SLC8A1: variants seen among roughly 807,000 people sequenced by gnomAD.
SLC8A1 encodes the protein solute carrier family 8 member A1.
SLC8A1 carries 18 observed loss-of-function variants against 68.3 expected under a neutral mutation model. That is an observed-to-expected ratio of 0.26 (90% CI 0.18 to 0.39). The LOEUF (loss-of-function observed/expected upper bound fraction) is 0.39. Ranked by LOEUF, SLC8A1 falls within the 10% of genes least tolerant of loss-of-function variation. SLC8A1 has a pLI of 1.00. For missense variants in SLC8A1, 985 were observed against 1,156.7 expected, an observed-to-expected ratio of 0.85 and a Z score of 2.15; for synonymous variants, 475 against 415.5, an observed-to-expected ratio of 1.14 and a Z score of -1.74.
exon 8 of SLC8A1, chr2:40,115,204 T>TTA: frequency 1.6e-6 from 2 of 1,221,896 alleles, no homozygotes; most frequent in Non-Finnish European, 2.1e-6. Flanking sequence ...TACATAATTT[T>TTA]TATGTATATA....
chr2:40,427,251 T>G (rs747214188), intron 2 of SLC8A1, among the ~76,000 whole-genome samples: 1 of 152,054 alleles, frequency 6.6e-6, no homozygotes, highest in Non-Finnish European at 1.5e-5. Context: ...CTGTTCTCTC[T>G]GCCCATCCCC....
chr2:40,277,794 GTATA>G (rs56145701), intron 2 of SLC8A1, among the ~76,000 whole-genome samples: 20,824 of 107,358 alleles, frequency 0.19, 1,741 homozygotes, highest in East Asian at 0.24. Flanking sequence ...ATATATGTGT[GTATA>G]TATATATATA....
intron 2 of SLC8A1, among the ~76,000 whole-genome samples, chr2:40,371,822 A>G (rs901571970): frequency 2.0e-5 from 3 of 152,068 alleles, no homozygotes; most frequent in African/African-American, 7.2e-5. Flanking sequence ...CTGTGACATC[A>G]CTGATTCTTG....
At chr2:40,307,948 A>G (rs1296298648) in intron 2 of SLC8A1, among the ~76,000 whole-genome samples, 1 of 152,212 alleles carries the variant, frequency 6.6e-6, no homozygotes, top group Non-Finnish European at 1.5e-5. Context: ...CATGAAGAGC[A>G]GGAGAAGAAG....
chr2:40,479,980 C>T (rs1704529884), intron 1 of SLC8A1, among the ~76,000 whole-genome samples: 1 of 152,012 alleles, frequency 6.6e-6, no homozygotes, highest in African/African-American at 2.4e-5. Flanking sequence ...TAACTGAGGA[C>T]CTATGATAAG....
At chr2:40,321,880 A>G (rs1220564069) in intron 2 of SLC8A1, among the ~76,000 whole-genome samples, 1 of 152,140 alleles carries the variant, frequency 6.6e-6, no homozygotes, top group African/African-American at 2.4e-5. Flanking sequence ...ACTAGTATGT[A>G]AAGTATTTTC....
At chr2:40,456,042 C>T (rs566213094), upstream of SLC8A1, among the ~76,000 whole-genome samples, 4 of 152,258 alleles carry the variant, frequency 2.6e-5, no homozygotes, top group Admixed American at 6.5e-5. Flanking sequence ...TTGGGCTGGG[C>T]GCGGTGGCTC....
intron 4 of SLC8A1, among the ~76,000 whole-genome samples, chr2:40,173,770 A>T (rs2047966178): frequency 6.6e-6 from 1 of 152,222 alleles, no homozygotes; most frequent in Admixed American, 6.5e-5. Flanking sequence ...GGCACAATAT[A>T]TTGGAAGATG....
chr2:40,119,182 T>G (rs995594807), intron 7 of SLC8A1, among the ~76,000 whole-genome samples: 1 of 152,172 alleles, frequency 6.6e-6, no homozygotes, highest in Admixed American at 6.5e-5. Context: ...TCAAATGTCT[T>G]TCTTTGAATT....
intron 1 of SLC8A1, among the ~76,000 whole-genome samples, chr2:40,437,067 G>T (rs1485995788): frequency 6.6e-6 from 1 of 152,090 alleles, no homozygotes; most frequent in Non-Finnish European, 1.5e-5. Context: ...ATTATCATTC[G>T]CATTTTACAA....
At position 40,145,194 on chromosome 2, in the gene SLC8A1, C is replaced by A. The variant is rs201840810; in HGVS notation, c.2162-5518G>T. The stretch of plus-strand genomic sequence containing the variant: ...GTGAGACCATGCAATATTTTTCTTT[C>A]TCTGTCTGGCTTCTTTCACTTAGCA... On this transcript the variant is annotated intron_variant, in intron 6 of 7. Coordinates refer to ENST00000406785, the Ensembl canonical transcript of SLC8A1. 7.0e-5 allele frequency among the ~76,000 whole-genome samples: 5 copies of A among 70,956 alleles called. No individual in the cohort carries two copies. In the East Asian group the frequency reaches 1.4e-3, roughly 20 times the overall value. 46.5% of individuals were successfully genotyped at this position (70,956 alleles called of 152,430 possible). A position where few individuals can be genotyped will look rare whatever the true frequency, so the allele number is the denominator to read the frequency against.
At chr2:40,268,413 C>G (rs1484734276) in intron 2 of SLC8A1, among the ~76,000 whole-genome samples, 5 of 152,116 alleles carry the variant, frequency 3.3e-5, no homozygotes, top group Non-Finnish European at 5.9e-5. Context: ...TAACATTTTT[C>G]ATGCACTTGG....
chr2:40,242,025 G>C (rs1277503477), intron 2 of SLC8A1, among the ~76,000 whole-genome samples: 1 of 151,838 alleles, frequency 6.6e-6, no homozygotes, highest in Non-Finnish European at 1.5e-5. Flanking sequence ...ACTAACTTCG[G>C]GGCAGATCTC....
intron 7 of SLC8A1, among the ~76,000 whole-genome samples, chr2:40,127,854 G>C (rs1572877584): frequency 6.6e-6 from 1 of 152,170 alleles, no homozygotes; most frequent in African/African-American, 2.4e-5. Context: ...TTCTCCTTGA[G>C]TACAAAATAC....
intron 6 of SLC8A1, among the ~76,000 whole-genome samples, chr2:40,151,302 T>C (rs896376560): frequency 6.6e-6 from 1 of 152,086 alleles, no homozygotes; most frequent in Admixed American, 6.5e-5. Flanking sequence ...TTTATATAGA[T>C]TGTTTTCTAG....
At chr2:40,307,182 C>A (rs200782532) in intron 2 of SLC8A1, among the ~76,000 whole-genome samples, 1 of 143,334 alleles carries the variant, frequency 7.0e-6, no homozygotes, top group African/African-American at 2.5e-5. Context: ...AACACATACA[C>A]ACACACACAC....
chr2:40,123,272 A>G (rs1028007476), intron 7 of SLC8A1: 1 of 152,290 alleles, frequency 6.6e-6, no homozygotes, highest in Non-Finnish European at 1.5e-5. Context: ...TGACTACACA[A>G]TGGTAAAGCA....
chr2:40,410,227 T>C (rs1691683815), intron 2 of SLC8A1, among the ~76,000 whole-genome samples: 1 of 151,966 alleles, frequency 6.6e-6, no homozygotes, highest in Admixed American at 6.6e-5. Context: ...AAGGATGTAA[T>C]GAAAAAAATC....
intron 2 of SLC8A1, among the ~76,000 whole-genome samples, chr2:40,299,090 G>GT (rs974393778): frequency 1.3e-5 from 2 of 151,848 alleles, no homozygotes; most frequent in Admixed American, 6.6e-5. Context: ...AGTTACTTGG[G>GT]GTATTTCTCA....
Sources: allele counts gnomAD v4.1 joint callset (sites outside exome capture counted in the v4.1 genomes callset), GRCh38; gene constraint gnomAD v4.1.1; transcripts MANE v1.5; gene names NCBI Gene and HGNC (gene_info 2026-07-23, HGNC 2026-07-21).